The following KCTD15 variants were observed in gnomAD, a reference collection of about 807,000 sequenced individuals.
KCTD15 encodes the protein BTB/POZ domain-containing protein KCTD15.
In KCTD15, 11 loss-of-function variants were observed where a neutral mutation model predicts 27.2. That is an observed-to-expected ratio of 0.41 (90% CI 0.25 to 0.67). The LOEUF is 0.67. Ranked by LOEUF, KCTD15 falls within the 30% of genes least tolerant of loss-of-function variation. KCTD15 has a pLI of 0.35. For synonymous variants in KCTD15, 163 were observed against 176.0 expected, an observed-to-expected ratio of 0.93 and a Z score of 0.58; for missense variants, 350 against 409.3, an observed-to-expected ratio of 0.86 and a Z score of 1.25.
At chr19:33,805,523 TG>T (rs1455910357) in intron 4 of KCTD15, among the ~76,000 whole-genome samples, 1 of 152,148 alleles carries the variant, frequency 6.6e-6, no homozygotes, top group Non-Finnish European at 1.5e-5. Context: ...GGGTCCCTGC[TG>T]GTGCAGGCAG....
chr19:33,801,327 A>C lies in KCTD15; in HGVS notation c.227A>C (p.Lys76Thr), dbSNP rs778282639. 6.2e-7 allele frequency: 1 copy of C among 1,610,880 alleles called. No individual in the cohort carries two copies. Among genetic ancestry groups the C allele is most frequent in the East Asian group, 2.2e-5 (1 of 44,672 alleles). The change falls in exon 4 of 7, where the codon AAG becomes ACG. Residue 76 changes from lysine to threonine, a missense_variant. Coordinates refer to ENST00000683859, the MANE Select transcript of KCTD15 (RefSeq NM_001129994.2). ...MYTSSLATLTKYPDSRISRLF... is the reference protein window; with the variant it reads ...MYTSSLATLTTYPDSRISRLF... ...ACCAGCAGCCTGGCCACGCTCACCA[A>C]GTACCCTGACTCCAGGTAAGAGTAA...
upstream of KCTD15, among the ~76,000 whole-genome samples, chr19:33,795,400 C>A (rs576511852): frequency 7.5e-3 from 1,147 of 152,220 alleles, 13 homozygotes; most frequent in African/African-American, 0.026. Context: ...ACTGGCACCC[C>A]GAGTCCCCCT....
intron 4 of KCTD15, among the ~76,000 whole-genome samples, chr19:33,802,487 A>T (rs1424166649): frequency 6.6e-6 from 1 of 152,164 alleles, no homozygotes; most frequent in Non-Finnish European, 1.5e-5. Context: ...TGGTCCCTTG[A>T]GGAGGAAAAA....
intron 5 of KCTD15, among the ~76,000 whole-genome samples, chr19:33,810,706 A>C (rs1975870500): frequency 6.6e-6 from 1 of 152,070 alleles, no homozygotes; most frequent in South Asian, 2.1e-4. Flanking sequence ...AACGAAAAAA[A>C]AACCAAGAGG....
chr19:33,797,693 CCTTT>C (rs55854912), intron 1 of KCTD15, among the ~76,000 whole-genome samples: 39,585 of 152,012 alleles, frequency 0.26, 6,363 homozygotes, highest in Middle Eastern at 0.43. Context: ...CTCTGCAGCG[CCTTT>C]CTGTCTTCCG....
intron 5 of KCTD15, among the ~76,000 whole-genome samples, chr19:33,808,120 A>G (rs145014227): frequency 2.0e-5 from 3 of 152,326 alleles, no homozygotes; most frequent in African/African-American, 7.2e-5. Flanking sequence ...CCCACATGTC[A>G]GGGACTCTGG....
upstream of KCTD15, chr19:33,796,294 G>T (rs1006370990): frequency 2.7e-5 from 4 of 150,412 alleles, no homozygotes; most frequent in Admixed American, 6.6e-5. Context: ...CTGGGCCGCG[G>T]AGGGCGCTGG....
At chr19:33,797,050 T>G (rs774053449) in intron 1 of KCTD15, 63 bp downstream of exon 1, 9 of 154,290 alleles carry the variant, frequency 5.8e-5, no homozygotes, top group Non-Finnish European at 1.1e-4. Context: ...GTGGCTGCGA[T>G]ACCGAGAAAG....
chr19:33,812,244 G>A, intron 6 of KCTD15: 3 of 1,042,930 alleles, frequency 2.9e-6, no homozygotes, highest in Non-Finnish European at 3.5e-6. Context: ...ACATAGTTGT[G>A]GACGCCTGCA....
At chr19:33,812,076 A>G in intron 6 of KCTD15, 2 of 1,356,642 alleles carry the variant, frequency 1.5e-6, no homozygotes, top group South Asian at 1.9e-5. Context: ...CGCAGACCCA[A>G]GAGCTTGGCA....
chr19:33,806,754 C>G, intron 4 of KCTD15, 109 bp from the exon 5 acceptor site: 1 of 1,264,220 alleles, frequency 7.9e-7, no homozygotes, highest in East Asian at 2.3e-5. Flanking sequence ...CATGTCAGGT[C>G]CCTCGCCCCT....
intron 1 of KCTD15, chr19:33,798,232 C>T (rs543904882): frequency 6.6e-6 from 1 of 152,110 alleles, no homozygotes; most frequent in African/African-American, 2.4e-5. Context: ...CGAGAGGCGC[C>T]TTCTGTTTAC....
upstream of KCTD15, chr19:33,796,828 G>T (rs1450419716): frequency 7.2e-6 from 1 of 139,518 alleles, no homozygotes; most frequent in East Asian, 2.4e-4. Flanking sequence ...GGCGGGAGGG[G>T]TGGGTGGGGG....
intron 1 of KCTD15, chr19:33,797,289 C>T (rs1264541666): frequency 0.027 from 4,096 of 150,912 alleles, 225 homozygotes; most frequent in African/African-American, 0.037. Flanking sequence ...TGTGTGCGCG[C>T]GCGCGCGCGC....
At chr19:33,795,875 C>T (rs868031924), upstream of KCTD15, 1 of 152,028 alleles carries the variant, frequency 6.6e-6, no homozygotes, top group Non-Finnish European at 1.5e-5. Flanking sequence ...TGCCCCAGCG[C>T]GTCCCTCCCC....
chr19:33,815,187 A>G lies in KCTD15; in HGVS notation c.*2239A>G, dbSNP rs920310632. On this transcript the variant is annotated 3_prime_UTR_variant, in exon 7 of 7. Coordinates refer to ENST00000683859, the MANE Select transcript of KCTD15 (RefSeq NM_001129994.2). ...TTGGGTAAATGATTGTGCTAAAAAT[A>G]AAATTTATTAATAAAGAAGGGGAAA... 2.0e-5 allele frequency: 3 copies of G among 152,238 alleles called. No individual in the cohort carries two copies. Among genetic ancestry groups the G allele is most frequent in the Non-Finnish European group, 2.9e-5 (2 of 68,040 alleles). The allele number at this position is 152,238 out of a possible 1,614,324, so 9.4% of individuals were successfully genotyped here.
chr19:33,797,275 TGTGTGTGTGCGCGCGCGC>T, intron 1 of KCTD15: 1 of 265,424 alleles, frequency 3.8e-6, no homozygotes, highest in African/African-American at 3.0e-5. Context: ...TGTGTGTGTG[TGTGTGTGTGCGCGCGCGC>T]GCGCGCGCGC....
At chr19:33,809,324 A>T (rs1183756737) in intron 5 of KCTD15, among the ~76,000 whole-genome samples, 1 of 152,152 alleles carries the variant, frequency 6.6e-6, no homozygotes. Context: ...TAATTTATTT[A>T]CTTTTCATAA....
At position 33,813,048 on chromosome 19, in the gene KCTD15, G is replaced by T; in HGVS notation, c.*100G>T. ...TGGCCGTGGGCATGAGACCGAGGGT[G>T]AGGCTGGAGGGTCCAAAGCTGGCCC... On this transcript the variant is annotated 3_prime_UTR_variant, in exon 7 of 7. Transcript: ENST00000683859. The T allele has an allele frequency of 7.9e-7, 1 of 1,265,622 alleles. No homozygotes were observed. Among genetic ancestry groups the T allele is most frequent in the South Asian group, 1.3e-5 (1 of 76,558 alleles). The allele number at this position is 1,265,622 out of a possible 1,614,324, so 78.4% of individuals were successfully genotyped here.
Sources: gnomAD v4.1 joint callset for allele counts (sites outside exome capture counted in the v4.1 genomes callset) on GRCh38, gnomAD v4.1.1 for gene constraint, MANE v1.5 for transcripts, NCBI Gene and HGNC (gene_info 2026-07-23, HGNC 2026-07-21) for gene names.